DUOX1: variants seen among roughly 807,000 people sequenced by gnomAD.
DUOX1 encodes NADPH thyroid oxidase 1.
Under a neutral mutation model 181.8 loss-of-function variants are expected in DUOX1, and 134 were observed. That is an observed-to-expected ratio of 0.74 (90% CI 0.64 to 0.85). DUOX1 has a LOEUF of 0.85. DUOX1 is among the 40% of genes least tolerant of loss of function. The pLI, the probability that DUOX1 is intolerant of heterozygous loss-of-function variation, is 0.00. For synonymous variants in DUOX1, 798 were observed against 832.5 expected (o/e 0.96, Z 0.71); for missense variants, 1,814 against 2,064.4 (o/e 0.88, Z 2.35).
At chr15:45,159,884 G>C (rs765604258) in intron 28 of DUOX1, among the ~76,000 whole-genome samples, 38 of 152,310 alleles carry the variant, frequency 2.5e-4, no homozygotes, top group African/African-American at 8.9e-4. Flanking sequence ...GCCGCGCGCG[G>C]TGGCTCACAC....
intron 17 of DUOX1, among the ~76,000 whole-genome samples, 168 bp downstream of exon 17, chr15:45,144,403 C>T (rs1896595628): frequency 6.6e-6 from 1 of 152,218 alleles, no homozygotes; most frequent in South Asian, 2.1e-4. Flanking sequence ...AACTTGGACA[C>T]GTTTATCCTG....
At chr15:45,151,658 C>T (rs1595589265) in intron 23 of DUOX1, among the ~76,000 whole-genome samples, 1 of 152,118 alleles carries the variant, frequency 6.6e-6, no homozygotes, top group African/African-American at 2.4e-5. Flanking sequence ...AAGAAATGAC[C>T]ACTCCAAGCC....
rs566595033 is a variant in DUOX1, at chr15:45,161,853, C to T, written c.3972C>T (p.Thr1324=). The T allele has an allele frequency of 6.2e-7, 1 of 1,613,980 alleles. No homozygotes were observed. The highest frequency in any genetic ancestry group is 1.3e-5 in the African/African-American group (1 of 74,956). ...GTTEYHPFTL[T]SAPHEDTLSL... ...CCGAGTACCACCCCTTCACACTGAC[C>T]TCTGCGCCCCATGAGGACACGCTTA... The change falls in exon 30 of 34, where the codon ACC becomes ACT. Residue 1324 remains threonine (T), a synonymous_variant. Coordinates refer to ENST00000389037, the MANE Select transcript of DUOX1 (RefSeq NM_175940.3).
chr15:45,164,048 T>C, intron 33 of DUOX1, 130 bp downstream of exon 33: 2 of 1,395,484 alleles, frequency 1.4e-6, no homozygotes, highest in Non-Finnish European at 9.8e-7. Flanking sequence ...ATTGGTGGGG[T>C]AATGGAATGG....
At chr15:45,156,482 G>T (rs1442104051) in intron 28 of DUOX1, among the ~76,000 whole-genome samples, 4 of 151,988 alleles carry the variant, frequency 2.6e-5, no homozygotes, top group Admixed American at 2.6e-4. Context: ...GCCCAGGCTG[G>T]AGTGCAATGG....
chr15:45,137,183 A>G (rs1397455895), intron 9 of DUOX1, among the ~76,000 whole-genome samples: 1 of 92,656 alleles, frequency 1.1e-5, no homozygotes, highest in East Asian at 3.0e-4. Context: ...CCTCGTCTCT[A>G]CTAAAAAAAA....
At position 45,148,444 on chromosome 15, in the gene DUOX1, A is replaced by AC. The variant is rs1896717268; in HGVS notation, c.2815_2816insC (p.Lys939ThrfsTer7). The AC allele has an allele frequency of 6.2e-7, 1 of 1,610,852 alleles. No homozygotes were observed. The highest frequency in any genetic ancestry group is 1.1e-5 in the South Asian group (1 of 90,750). On this transcript the variant is annotated frameshift_variant, in exon 21 of 34. Transcript: ENST00000389037. LOFTEE classifies it high-confidence loss of function. ...GCTCCGCTTCACGCAGCTCTGTGTCAAAGGTGGGGCAGCCTGGTAGGCAGC... is the reference window on the plus strand; with the variant it reads ...GCTCCGCTTCACGCAGCTCTGTGTCACAAGGTGGGGCAGCCTGGTAGGCAGC...
Position 45,151,873 on chromosome 15 carries a change from G to C in DUOX1, c.3015-1G>C, listed in dbSNP as rs748865207. ...AAAGGCTAAGGCTTCCTGTCTCCCA[G>C]GGTAACGTCATTCCAGCCCTTGCTG... On this transcript the variant is annotated splice_acceptor_variant, in intron 23 of 33. Transcript: ENST00000389037. LOFTEE classifies it high-confidence loss of function. 1.2e-6 allele frequency: 2 copies of C among 1,611,482 alleles called. No homozygotes were observed. The highest frequency in any genetic ancestry group is 8.5e-7 in the Non-Finnish European group (1 of 1,178,620).
chr15:45,134,993 T>G (rs1356887599), intron 4 of DUOX1, 111 bp from the exon 5 acceptor site: 34 of 1,328,328 alleles, frequency 2.6e-5, no homozygotes, highest in Non-Finnish European at 3.5e-5. Flanking sequence ...TTGCCCATAA[T>G]GGCTGCTGAG....
At chr15:45,152,663 A>G in intron 25 of DUOX1, 147 bp downstream of exon 25, 1 of 792,640 alleles carries the variant, frequency 1.3e-6, no homozygotes, top group South Asian at 1.7e-5. Context: ...GGTGTGAAGT[A>G]AGCCCGGGAG....
At chr15:45,145,527 A>C (rs2141274034) in intron 18 of DUOX1, among the ~76,000 whole-genome samples, 1 of 152,208 alleles carries the variant, frequency 6.6e-6, no homozygotes, top group East Asian at 1.9e-4. Context: ...GGATATAGGG[A>C]AACAAGACAA....
At position 45,161,796 on chromosome 15, in the gene DUOX1, G is replaced by A. The variant is rs1897109058; in HGVS notation, c.3915G>A (p.Trp1305Ter). The part of the protein sequence containing the change: ...PQGFEYKSGQ[W>*]VRIACLALGT... Reference sequence around the variant, plus strand: ...GCTTTGAGTACAAGTCAGGGCAGTGGGTGCGGATCGCTTGCCTGGCTCTGG... The same window carrying A: ...GCTTTGAGTACAAGTCAGGGCAGTGAGTGCGGATCGCTTGCCTGGCTCTGG... Residue 1305 changes from tryptophan (W) to a stop codon, truncating the protein, a stop_gained, in exon 30 of 34, where the codon TGG becomes TGA. Transcript: ENST00000389037. LOFTEE classifies it high-confidence loss of function. 1 of 1,613,974 alleles carries A rather than the reference G, an allele frequency of 6.2e-7. No homozygotes were observed.
chr15:45,152,045 G>A lies in DUOX1; in HGVS notation c.3186G>A (p.Arg1062=), dbSNP rs1474868424. 1.9e-6 allele frequency: 3 copies of A among 1,613,548 alleles called. No homozygotes were observed. Among genetic ancestry groups the A allele is most frequent in the Non-Finnish European group, 2.5e-6 (3 of 1,179,726 alleles). The change falls in exon 24 of 34, where the codon AGG becomes AGA. Residue 1062 remains arginine (R), a synonymous_variant. Coordinates refer to ENST00000389037, the MANE Select transcript of DUOX1 (RefSeq NM_175940.3). ...TCGCTGGGGGGCTTTTCCTGGAGAG[G>A]GCCTACTGTGAGTGACTTTACTTAC... is the stretch of plus-strand genomic sequence containing the variant. ...YAIAGGLFLE[R]AYYYAFAAHH...
chr15:45,157,808 C>A (rs974881763), intron 28 of DUOX1, among the ~76,000 whole-genome samples: 3 of 124,376 alleles, frequency 2.4e-5, no homozygotes, highest in African/African-American at 5.4e-5. Flanking sequence ...AACAGATGGA[C>A]AGCCTGTTTA....
intron 12 of DUOX1, chr15:45,140,112 G>A (rs1896452755): frequency 2.4e-6 from 3 of 1,267,476 alleles, no homozygotes; most frequent in South Asian, 2.3e-5. Context: ...ATTGGTCAAG[G>A]ATGATGGTGC....
Position 45,135,472 on chromosome 15 carries a change from A to G in DUOX1, c.496-2A>G, listed in dbSNP as rs1346028610. 1.3e-6 allele frequency: 2 copies of G among 1,550,792 alleles called. No individual in the cohort carries two copies. The highest frequency in any genetic ancestry group is 1.7e-6 in the Non-Finnish European group (2 of 1,148,948). On this transcript the variant is annotated splice_acceptor_variant, in intron 5 of 33. Coordinates refer to ENST00000389037, the MANE Select transcript of DUOX1 (RefSeq NM_175940.3). LOFTEE classifies it high-confidence loss of function. ...CGGGCTCACCCGCCGCGTGCCCCGC[A>G]GGCCAACCAGGTGACGGGCTGGCTG...
intron 26 of DUOX1, 181 bp from the exon 27 acceptor site, chr15:45,153,770 C>G (rs1045999846): frequency 1.5e-6 from 1 of 648,834 alleles, no homozygotes; most frequent in Non-Finnish European, 2.7e-6. Context: ...GCCTGTAATC[C>G]CAGCTACTGG....
At position 45,147,498 on chromosome 15, in the gene DUOX1, G is replaced by A. The variant is rs1049684754; in HGVS notation, c.2388G>A (p.Glu796=). Residue 796 remains glutamate (E), a synonymous_variant, in exon 19 of 34, where the codon GAG becomes GAA. Transcript: ENST00000389037. ...LPLDSSQKVR[E]ALTCELSRAE... The stretch of plus-strand genomic sequence containing the variant: ...TGGACTCCTCCCAGAAGGTGCGGGA[G>A]GCCCTGACCTGTGAGCTGAGCAGGG... 9.3e-6 allele frequency: 15 copies of A among 1,613,988 alleles called. No individual in the cohort carries two copies. Among genetic ancestry groups the A allele is most frequent in the African/African-American group, 5.3e-5 (4 of 74,946 alleles).
chr15:45,146,052 A>C (rs1455113174), intron 18 of DUOX1, among the ~76,000 whole-genome samples: 1 of 152,242 alleles, frequency 6.6e-6, no homozygotes, highest in Non-Finnish European at 1.5e-5. Context: ...TCAGGAAATC[A>C]GCAATCCGGG....
Sources: allele counts gnomAD v4.1 joint callset (sites outside exome capture counted in the v4.1 genomes callset), GRCh38; gene constraint gnomAD v4.1.1; transcripts MANE v1.5; gene names NCBI Gene and HGNC (gene_info 2026-07-23, HGNC 2026-07-21).